The following SIRPG variants were observed in gnomAD, a reference collection of about 807,000 sequenced individuals.
SIRPG encodes the protein signal regulatory protein gamma, also known as signal-regulatory protein gamma.
Under a neutral mutation model 35.7 loss-of-function variants are expected in SIRPG, and 38 were observed. The observed-to-expected ratio is 1.06, with a 90% confidence interval of 0.82 to 1.40. The LOEUF (loss-of-function observed/expected upper bound fraction) is 1.40, where lower values mean the gene tolerates loss of function less well. Among genes scored for constraint, SIRPG ranks in the 40% most tolerant of loss-of-function variants. The pLI, the probability that SIRPG is intolerant of heterozygous loss-of-function variation, is 0.00. For synonymous variants in SIRPG, 215 were observed against 190.4 expected, an observed-to-expected ratio of 1.13 and a Z score of -1.06; for missense variants, 519 against 483.0, an observed-to-expected ratio of 1.07 and a Z score of -0.70.
intron 1 of SIRPG, among the ~76,000 whole-genome samples, chr20:1,654,812 T>C (rs974744856): frequency 1.3e-5 from 2 of 152,130 alleles, no homozygotes; most frequent in African/African-American, 4.8e-5. Context: ...ATACAAAATA[T>C]ATAAGGAAGT....
At chr20:1,668,212 TTTCTTTC>T in the SIRPG span, among the ~76,000 whole-genome samples, 10 of 42,730 alleles carry the variant, frequency 2.3e-4, no homozygotes, top group Non-Finnish European at 4.8e-4. Flanking sequence ...TCTTTCTTTC[TTTCTTTC>T]TTTCTTTCTT....
the SIRPG span, among the ~76,000 whole-genome samples, chr20:1,678,146 G>A: frequency 7.0e-3 from 1,064 of 152,008 alleles, 12 homozygotes; most frequent in African/African-American, 0.024. Flanking sequence ...TCATAGTTAC[G>A]TCTTCCCATC....
chr20:1,639,492 T>C (rs2091833446), intron 2 of SIRPG, among the ~76,000 whole-genome samples: 1 of 152,222 alleles, frequency 6.6e-6, no homozygotes, highest in African/African-American at 2.4e-5. Context: ...TGTGAATTTG[T>C]TTAAGTTCCT....
intron 4 of SIRPG, among the ~76,000 whole-genome samples, chr20:1,634,209 G>GTTT (rs11284426): frequency 3.1e-5 from 4 of 128,718 alleles, no homozygotes; most frequent in Non-Finnish European, 4.8e-5. Flanking sequence ...GCCTGGTACA[G>GTTT]TTTTTTTTTT....
At chr20:1,649,474 CAA>C in intron 1 of SIRPG, 66 bp from the exon 2 acceptor site, 1 of 1,415,686 alleles carries the variant, frequency 7.1e-7, no homozygotes, top group Non-Finnish European at 9.6e-7. Context: ...TCATGTTTAT[CAA>C]AGATATTCAG....
At chr20:1,676,456 G>T in the SIRPG span, among the ~76,000 whole-genome samples, 1 of 152,180 alleles carries the variant, frequency 6.6e-6, no homozygotes, top group South Asian at 2.1e-4. Context: ...AGCTGTCAAA[G>T]AGTGGAACAG....
intron 1 of SIRPG, among the ~76,000 whole-genome samples, chr20:1,651,754 T>C (rs1428811094): frequency 2.0e-5 from 3 of 152,168 alleles, no homozygotes; most frequent in Admixed American, 1.3e-4. Context: ...CTTTCTTGTG[T>C]TGTGCTATGC....
At chr20:1,682,127 G>T in the SIRPG span, among the ~76,000 whole-genome samples, 1 of 152,160 alleles carries the variant, frequency 6.6e-6, no homozygotes, top group South Asian at 2.1e-4. Flanking sequence ...CAAGAGGTTT[G>T]CTTATCTATT....
the SIRPG span, among the ~76,000 whole-genome samples, chr20:1,677,484 T>C: frequency 3.9e-5 from 6 of 152,308 alleles, no homozygotes; most frequent in East Asian, 9.6e-4. Context: ...TCCATCAGCC[T>C]GGATTCCTGA....
the SIRPG span, chr20:1,665,380 G>T: frequency 2.1e-3 from 330 of 157,860 alleles, 2 homozygotes; most frequent in Admixed American, 0.017. Context: ...GGGGCAGTAG[G>T]AGCTGGCATG....
At chr20:1,674,912 T>C in the SIRPG span, among the ~76,000 whole-genome samples, 3 of 152,214 alleles carry the variant, frequency 2.0e-5, no homozygotes, top group Non-Finnish European at 2.9e-5. Context: ...ACTGCCTCCT[T>C]GTCCTCCATG....
the SIRPG span, among the ~76,000 whole-genome samples, chr20:1,666,918 T>C: frequency 4.1e-4 from 60 of 147,050 alleles, no homozygotes; most frequent in Non-Finnish European, 6.9e-4. Flanking sequence ...ATTTACTTAC[T>C]TTTTTTTTTT....
At chr20:1,645,754 G>C (rs1375528491) in intron 2 of SIRPG, among the ~76,000 whole-genome samples, 1 of 152,172 alleles carries the variant, frequency 6.6e-6, no homozygotes, top group African/African-American at 2.4e-5. Context: ...AGGCAGTTGA[G>C]TTCTTGCCCA....
In SIRPG at chr20:1,641,910, G is replaced by C. The variant is rs537141081; in HGVS notation, c.431-5405C>G. On this transcript the variant is annotated intron_variant, in intron 2 of 5. Coordinates refer to ENST00000303415, the MANE Select transcript of SIRPG (RefSeq NM_018556.4). ...CATGTAGTTGTGTGGTTTTGAGTGA[G>C]TTTCTTAATTCTGAGTTCTAATTTG... Among the ~76,000 whole-genome samples, 23 of 152,316 alleles carry C rather than the reference G, an allele frequency of 1.5e-4. No homozygotes were observed. In the East Asian group the frequency reaches 4.4e-3, roughly 29 times the overall value.
chr20:1,642,888 A>G (rs538742126), intron 2 of SIRPG, among the ~76,000 whole-genome samples: 50 of 152,244 alleles, frequency 3.3e-4, no homozygotes, highest in South Asian at 1.7e-3. Context: ...AGAATGTTGA[A>G]TATTGGCCCC....
intron 2 of SIRPG, chr20:1,647,530 C>T (rs1332286190): frequency 2.0e-5 from 3 of 152,108 alleles, no homozygotes; most frequent in African/African-American, 7.2e-5. Context: ...ATACACACAC[C>T]CTCTGACTTA....
the SIRPG span, chr20:1,669,939 C>T: frequency 3.2e-3 from 685 of 217,090 alleles, 9 homozygotes; most frequent in African/African-American, 0.015. Flanking sequence ...GAGCTCTGCT[C>T]CTGGTGGGCT....
chr20:1,648,971 T>G, intron 2 of SIRPG, 81 bp downstream of exon 2: 1 of 1,281,074 alleles, frequency 7.8e-7, no homozygotes, highest in Non-Finnish European at 1.1e-6. Context: ...TCACACCTGA[T>G]TGTTGCTCAA....
rs991331271 is a variant in SIRPG at position 1,629,619 on chromosome 20, A to G, written c.*20T>C. The G allele has an allele frequency of 1.3e-5, 2 of 152,506 alleles. No individual in the cohort carries two copies. The highest frequency in any genetic ancestry group is 4.8e-5 in the African/African-American group (2 of 41,438). 9.4% of individuals were successfully genotyped at this position (152,506 alleles called of 1,614,324 possible). On this transcript the variant is annotated 3_prime_UTR_variant, in exon 6 of 6. Transcript: ENST00000303415. ...AGCAGAGATGAGGGTCCCACGTGGC[A>G]GGGGAGGAAGGAAGGAGCTGTAGGA...
Sources: allele counts gnomAD v4.1 joint callset (sites outside exome capture counted in the v4.1 genomes callset), GRCh38; gene constraint gnomAD v4.1.1; transcripts MANE v1.5; gene names NCBI Gene and HGNC (gene_info 2026-07-23, HGNC 2026-07-21).